The following GUCY1A2 variants were observed in gnomAD, a reference collection of about 807,000 sequenced individuals.
GUCY1A2 encodes the protein guanylate cyclase soluble subunit alpha-2.
A neutral mutation model predicts 63.5 loss-of-function variants in GUCY1A2; 27 were observed. That is an observed-to-expected ratio of 0.43 (90% CI 0.31 to 0.59). GUCY1A2 has a LOEUF of 0.59. GUCY1A2 is among the 20% of genes least tolerant of loss of function. The pLI, the probability that GUCY1A2 is intolerant of heterozygous loss-of-function variation, is 0.11. For synonymous variants in GUCY1A2, 364 were observed against 343.5 expected (o/e 1.06, Z -0.66); for missense variants, 768 against 913.3 (o/e 0.84, Z 2.05).
chr11:106,913,291 G>A (rs183418583), intron 4 of GUCY1A2, among the ~76,000 whole-genome samples: 32 of 152,266 alleles, frequency 2.1e-4, no homozygotes, highest in African/African-American at 6.5e-4. Flanking sequence ...GATTGTGCAA[G>A]CTGTACACAA....
intron 4 of GUCY1A2, among the ~76,000 whole-genome samples, chr11:106,903,668 T>A (rs577965893): frequency 6.6e-6 from 1 of 152,294 alleles, no homozygotes; most frequent in East Asian, 1.9e-4. Context: ...GAGTATATAT[T>A]GTCATCTAAA....
chr11:106,735,983 T>G (rs192781698), intron 6 of GUCY1A2, among the ~76,000 whole-genome samples: 2 of 141,972 alleles, frequency 1.4e-5, no homozygotes, highest in East Asian at 2.1e-4. Context: ...AAATTATTAG[T>G]TTTTTTTCCT....
Position 107,011,174 on chromosome 11 carries a change from T to C in GUCY1A2, c.303+6579A>G, listed in dbSNP as rs111863658. On this transcript the variant is annotated intron_variant, in intron 1 of 7. Coordinates refer to ENST00000526355, the MANE Select transcript of GUCY1A2 (RefSeq NM_000855.3). ...CTGTGAAGAAAGCCTGCTCAATAGA[T>C]AGCCCTTGCAAATATTCTCCCGGCC... Among the ~76,000 whole-genome samples, 142 of 152,342 alleles carry C rather than the reference T, an allele frequency of 9.3e-4. 1 individual carries two copies. The highest frequency in any genetic ancestry group is 3.3e-3 in the African/African-American group (139 of 41,590).
At chr11:106,796,720 T>G (rs1201849628) in intron 5 of GUCY1A2, among the ~76,000 whole-genome samples, 1 of 152,216 alleles carries the variant, frequency 6.6e-6, no homozygotes, top group Non-Finnish European at 1.5e-5. Context: ...TTTTCCTTCA[T>G]TTCAACTTTG....
chr11:106,762,867 T>C (rs1337749787), intron 6 of GUCY1A2, among the ~76,000 whole-genome samples: 2 of 152,096 alleles, frequency 1.3e-5, no homozygotes, highest in African/African-American at 4.8e-5. Flanking sequence ...TGTTTCACAG[T>C]GTAATTTTGT....
intron 4 of GUCY1A2, among the ~76,000 whole-genome samples, chr11:106,894,005 G>A (rs999035460): frequency 2.0e-5 from 3 of 152,130 alleles, no homozygotes; most frequent in African/African-American, 7.2e-5. Context: ...AAATACACCA[G>A]ATCATTTTGT....
intron 3 of GUCY1A2, among the ~76,000 whole-genome samples, chr11:106,945,782 T>G (rs1277914608): frequency 6.6e-6 from 1 of 152,158 alleles, no homozygotes; most frequent in Non-Finnish European, 1.5e-5. Context: ...CTGACCAACA[T>G]GGAGAAACCC....
chr11:106,834,215 C>T (rs927468537), intron 4 of GUCY1A2, among the ~76,000 whole-genome samples: 1 of 151,960 alleles, frequency 6.6e-6, no homozygotes, highest in Admixed American at 6.6e-5. Flanking sequence ...GCCCATTTCT[C>T]CCATACCCCA....
chr11:106,946,221 A>G (rs1183691218), intron 3 of GUCY1A2, among the ~76,000 whole-genome samples: 1 of 152,154 alleles, frequency 6.6e-6, no homozygotes, highest in Non-Finnish European at 1.5e-5. Context: ...TTAAAATAAT[A>G]AAAAACCCAT....
intron 4 of GUCY1A2, among the ~76,000 whole-genome samples, chr11:106,916,142 C>T (rs1860366816): frequency 6.9e-6 from 1 of 145,516 alleles, no homozygotes; most frequent in African/African-American, 2.4e-5. Context: ...CATAAAAAGA[C>T]AAAAGATTTA....
At chr11:106,813,549 T>A (rs1858792503) in intron 4 of GUCY1A2, among the ~76,000 whole-genome samples, 1 of 152,092 alleles carries the variant, frequency 6.6e-6, no homozygotes, top group African/African-American at 2.4e-5. Flanking sequence ...ATGTTTTATA[T>A]TTTTGCCTAT....
chr11:106,924,678 T>C (rs543847853), intron 4 of GUCY1A2, among the ~76,000 whole-genome samples: 1 of 152,128 alleles, frequency 6.6e-6, no homozygotes, highest in African/African-American at 2.4e-5. Flanking sequence ...ATATAAAATG[T>C]TTACAAGAGG....
intron 4 of GUCY1A2, among the ~76,000 whole-genome samples, chr11:106,891,587 ATT>A (rs1439699107): frequency 6.6e-6 from 1 of 152,048 alleles, no homozygotes; most frequent in Non-Finnish European, 1.5e-5. Flanking sequence ...TCTTGAATTA[ATT>A]TTTGTTTATT....
intron 6 of GUCY1A2, among the ~76,000 whole-genome samples, chr11:106,745,332 T>C (rs757329598): frequency 3.3e-5 from 5 of 152,206 alleles, no homozygotes; most frequent in Non-Finnish European, 5.9e-5. Context: ...CTTTCTCTCT[T>C]AAAAAATAAA....
intron 5 of GUCY1A2, among the ~76,000 whole-genome samples, chr11:106,778,987 T>A (rs1057203984): frequency 4.6e-5 from 7 of 152,226 alleles, no homozygotes; most frequent in African/African-American, 1.7e-4. Context: ...ATATCAAAAA[T>A]TAAATTTCCA....
At chr11:106,783,142 C>T (rs1248465034) in intron 5 of GUCY1A2, among the ~76,000 whole-genome samples, 1 of 152,172 alleles carries the variant, frequency 6.6e-6, no homozygotes, top group African/African-American at 2.4e-5. Flanking sequence ...TAAAGACCTA[C>T]ATCAAAGAGA....
Position 107,018,083 on chromosome 11 carries a change from G to A in GUCY1A2, c.-28C>T. 2 of 1,402,458 alleles carry A rather than the reference G, an allele frequency of 1.4e-6. No homozygotes were observed. Among genetic ancestry groups the A allele is most frequent in the South Asian group, 1.5e-5 (1 of 67,304 alleles). The allele number at this position is 1,402,458 out of a possible 1,614,324, so 86.9% of individuals were successfully genotyped here. A position where few individuals can be genotyped will look rare whatever the true frequency, so the allele number is the denominator to read the frequency against. Reference sequence around the variant, plus strand: ...TGCCGGCGGAGCTGCAGCGGCCGAGGCGGTGGCGGCGAGGACGCGAGCGGC... The same window carrying A: ...TGCCGGCGGAGCTGCAGCGGCCGAGACGGTGGCGGCGAGGACGCGAGCGGC... On this transcript the variant is annotated 5_prime_UTR_variant, in exon 1 of 8. Coordinates refer to ENST00000526355, the MANE Select transcript of GUCY1A2 (RefSeq NM_000855.3).
At chr11:107,012,805 C>T in intron 1 of GUCY1A2, among the ~76,000 whole-genome samples, 1 of 152,080 alleles carries the variant, frequency 6.6e-6, no homozygotes, top group East Asian at 1.9e-4. Flanking sequence ...GTTTCTATAA[C>T]TTTGTTAGCC....
chr11:106,741,955 G>A (rs970146448), intron 6 of GUCY1A2, among the ~76,000 whole-genome samples: 7 of 152,154 alleles, frequency 4.6e-5, no homozygotes. Context: ...ATGAAGTTAT[G>A]ACATTTGCAT....
Sources: gnomAD v4.1 joint callset for allele counts (sites outside exome capture counted in the v4.1 genomes callset) on GRCh38, gnomAD v4.1.1 for gene constraint, MANE v1.5 for transcripts, NCBI Gene and HGNC (gene_info 2026-07-23, HGNC 2026-07-21) for gene names.